CCDC85A: variants seen among roughly 807,000 people sequenced by gnomAD.
CCDC85A encodes coiled-coil domain containing 85A.
In CCDC85A, 38 loss-of-function variants were observed where a neutral mutation model predicts 50.2. The ratio of observed to expected loss-of-function variants is 0.76; its 90% confidence interval spans 0.58 to 0.99. CCDC85A has a LOEUF of 0.99. Ranked by LOEUF, CCDC85A falls within the 50% of genes least tolerant of loss-of-function variation. CCDC85A has a pLI of 0.00. For synonymous variants in CCDC85A, 366 were observed against 301.4 expected, an observed-to-expected ratio of 1.21 and a Z score of -2.22; for missense variants, 820 against 742.0, an observed-to-expected ratio of 1.11 and a Z score of -1.22.
At chr2:56,299,325 C>T (rs1435563645) in intron 2 of CCDC85A, among the ~76,000 whole-genome samples, 1 of 152,160 alleles carries the variant, frequency 6.6e-6, no homozygotes, top group East Asian at 1.9e-4. Flanking sequence ...CTTGGCTGTA[C>T]TAAGTTTAGA....
intron 4 of CCDC85A, among the ~76,000 whole-genome samples, chr2:56,372,733 C>T (rs911677411): frequency 6.6e-6 from 1 of 152,186 alleles, no homozygotes. Flanking sequence ...GTACCCTGGA[C>T]ATTTCATGAT....
chr2:56,257,127 A>G (rs905306233), intron 2 of CCDC85A, among the ~76,000 whole-genome samples: 1 of 152,266 alleles, frequency 6.6e-6, no homozygotes, highest in African/African-American at 2.4e-5. Flanking sequence ...TTTAGTGAAT[A>G]CCTTCTGTGT....
chr2:56,362,322 G>T (rs1279754776), intron 3 of CCDC85A, among the ~76,000 whole-genome samples: 3 of 152,088 alleles, frequency 2.0e-5, no homozygotes, highest in African/African-American at 7.2e-5. Flanking sequence ...TCAATTTGAG[G>T]TGTTGGACAT....
chr2:56,299,897 T>C (rs1459800998), intron 2 of CCDC85A, among the ~76,000 whole-genome samples: 1 of 152,192 alleles, frequency 6.6e-6, no homozygotes, highest in Non-Finnish European at 1.5e-5. Flanking sequence ...GAGTGAGTTT[T>C]TACCAAGTAA....
chr2:56,288,364 G>A lies in CCDC85A; in HGVS notation c.1241-54515G>A, dbSNP rs1573182078. ...AGACACTTGTGTATTTCCCAAAGCA[G>A]AAAACCGGGAATGAATTACAATGGA... is the stretch of plus-strand genomic sequence containing the variant. On this transcript the variant is annotated intron_variant, in intron 2 of 5. Coordinates refer to ENST00000407595, the MANE Select transcript of CCDC85A (RefSeq NM_001080433.2). Among the ~76,000 whole-genome samples the A allele has an allele frequency of 2.6e-5, 4 of 151,120 alleles. No individual in the cohort carries two copies. In the Middle Eastern group the frequency reaches 0.01, roughly 388 times the overall value.
intron 2 of CCDC85A, among the ~76,000 whole-genome samples, chr2:56,273,949 G>A (rs577571651): frequency 1.2e-4 from 18 of 152,246 alleles, no homozygotes; most frequent in African/African-American, 3.9e-4. Context: ...CTGGGCAATT[G>A]TTATCTCTAT....
chr2:56,321,183 C>A (rs1047817622), intron 2 of CCDC85A, among the ~76,000 whole-genome samples: 5 of 152,110 alleles, frequency 3.3e-5, no homozygotes, highest in Admixed American at 6.6e-5. Context: ...CAGCCAATAT[C>A]ATACTGAATG....
intron 2 of CCDC85A, among the ~76,000 whole-genome samples, chr2:56,242,069 T>A (rs908863910): frequency 1.3e-5 from 2 of 152,204 alleles, no homozygotes; most frequent in African/African-American, 4.8e-5. Flanking sequence ...TTTGCATTTC[T>A]CTGATGATTA....
At chr2:56,226,413 G>C (rs1179615733) in intron 2 of CCDC85A, among the ~76,000 whole-genome samples, 2 of 152,128 alleles carry the variant, frequency 1.3e-5, no homozygotes, top group Non-Finnish European at 2.9e-5. Context: ...GTGGATACCT[G>C]TCCCAGATAA....
At chr2:56,202,151 G>C (rs1401588098) in intron 2 of CCDC85A, among the ~76,000 whole-genome samples, 1 of 152,218 alleles carries the variant, frequency 6.6e-6, no homozygotes, top group Non-Finnish European at 1.5e-5. Flanking sequence ...ATGCAGTGAT[G>C]AGAGTGTGAG....
chr2:56,370,959 T>G (rs1335411369), intron 3 of CCDC85A, among the ~76,000 whole-genome samples: 2 of 152,152 alleles, frequency 1.3e-5, no homozygotes, highest in African/African-American at 4.8e-5. Context: ...TCATTAATGA[T>G]CATCTCAGAA....
chr2:56,223,922 C>T (rs1202062325), intron 2 of CCDC85A, among the ~76,000 whole-genome samples: 1 of 152,186 alleles, frequency 6.6e-6, no homozygotes, highest in Non-Finnish European at 1.5e-5. Flanking sequence ...CTACTTCTCT[C>T]TTTCCTTCTC....
chr2:56,337,360 C>T (rs1674124342), intron 2 of CCDC85A, among the ~76,000 whole-genome samples: 1 of 152,168 alleles, frequency 6.6e-6, no homozygotes, highest in East Asian at 1.9e-4. Flanking sequence ...ATAGGTTTCC[C>T]AGGGTGGAAA....
At chr2:56,367,780 C>T (rs982122951) in intron 3 of CCDC85A, among the ~76,000 whole-genome samples, 1 of 152,046 alleles carries the variant, frequency 6.6e-6, no homozygotes. Flanking sequence ...AATATGTTGA[C>T]AAGCAAAGCA....
At chr2:56,338,133 G>A (rs1674171694) in intron 2 of CCDC85A, among the ~76,000 whole-genome samples, 1 of 152,120 alleles carries the variant, frequency 6.6e-6, no homozygotes. Context: ...GAATTTGGCT[G>A]TTTTTTGATG....
At chr2:56,198,246 A>T (rs1343576608) in intron 2 of CCDC85A, among the ~76,000 whole-genome samples, 1 of 152,232 alleles carries the variant, frequency 6.6e-6, no homozygotes, top group African/African-American at 2.4e-5. Flanking sequence ...TAAATCTTTC[A>T]TTTTGTTTAA....
At chr2:56,338,624 T>C (rs1456110658) in intron 2 of CCDC85A, among the ~76,000 whole-genome samples, 4 of 152,216 alleles carry the variant, frequency 2.6e-5, no homozygotes, top group Non-Finnish European at 4.4e-5. Flanking sequence ...TTATTTAAAA[T>C]ATAGCTTACA....
intron 2 of CCDC85A, among the ~76,000 whole-genome samples, chr2:56,232,250 A>G (rs370502540): frequency 6.6e-6 from 1 of 152,128 alleles, no homozygotes; most frequent in Admixed American, 6.6e-5. Context: ...GAAATGTAAC[A>G]TGCCCAAAAC....
chr2:56,184,699 G>T lies in CCDC85A; in HGVS notation c.75G>T (p.Ser25=), dbSNP rs757339710. ...AESCSPAPAG[S]SAAPPAPVED... is the part of the protein sequence containing the mutation. ...GTTGTTCCCCAGCCCCGGCCGGCTCGTCCGCGGCCCCGCCCGCGCCGGTGG... is the reference window on the plus strand; with the variant it reads ...GTTGTTCCCCAGCCCCGGCCGGCTCTTCCGCGGCCCCGCCCGCGCCGGTGG... The change falls in exon 1 of 6, where the codon TCG becomes TCT. Residue 25 remains serine, a synonymous_variant. Transcript: ENST00000407595. 3 of 1,524,342 alleles carry T rather than the reference G, an allele frequency of 2.0e-6. No individual in the cohort carries two copies. The African/African-American group carries it at 4.3e-5, about 22-fold the overall frequency. The allele number at this position is 1,524,342 out of a possible 1,614,324, so 94.4% of individuals were successfully genotyped here.
Sources: allele counts gnomAD v4.1 joint callset (sites outside exome capture counted in the v4.1 genomes callset), GRCh38; gene constraint gnomAD v4.1.1; transcripts MANE v1.5; gene names NCBI Gene and HGNC (gene_info 2026-07-23, HGNC 2026-07-21).